TTC21B: variants seen among roughly 807,000 people sequenced by gnomAD.
The protein encoded by TTC21B is tetratricopeptide repeat protein 21B.
Under a neutral mutation model 175.1 loss-of-function variants are expected in TTC21B, and 127 were observed. The ratio of observed to expected loss-of-function variants is 0.73; its 90% CI spans 0.63 to 0.84. The LOEUF (loss-of-function observed/expected upper bound fraction) is 0.84. Ranked by LOEUF, TTC21B falls within the 40% of genes least tolerant of loss-of-function variation. The pLI is 0.00. For synonymous variants in TTC21B, 524 were observed against 524.5 expected (o/e 1.00, Z 0.01); for missense variants, 1,561 against 1,558.3 (o/e 1.00, Z -0.03).
At chr2:165,908,210 C>A (rs1251152736) in intron 18 of TTC21B, among the ~76,000 whole-genome samples, 3 of 152,156 alleles carry the variant, frequency 2.0e-5, no homozygotes, top group Non-Finnish European at 4.4e-5. Flanking sequence ...GTTAAGAGCA[C>A]TGACTTTGAT....
intron 5 of TTC21B, among the ~76,000 whole-genome samples, chr2:165,942,947 A>G (rs530666975): frequency 6.6e-6 from 1 of 152,348 alleles, no homozygotes; most frequent in South Asian, 2.1e-4. Context: ...CATAAGACAC[A>G]TAATAAATGC....
intron 24 of TTC21B, 47 bp downstream of exon 24, chr2:165,890,432 C>T: frequency 6.3e-7 from 1 of 1,583,988 alleles, no homozygotes; most frequent in African/African-American, 1.3e-5. Context: ...TGTTTATTAT[C>T]TCCAACAAGT....
chr2:165,936,660 T>C (rs144573157), intron 6 of TTC21B, among the ~76,000 whole-genome samples: 593 of 152,038 alleles, frequency 3.9e-3, no homozygotes, highest in African/African-American at 0.013. Flanking sequence ...ACAAGCAAGA[T>C]ACACAGACTG....
Position 165,874,626 on chromosome 2 carries a change from C to T in TTC21B, c.*129G>A. 1 of 799,436 alleles carries T rather than the reference C, an allele frequency of 1.3e-6. No individual in the cohort carries two copies. The highest frequency in any genetic ancestry group is 2.1e-6 in the Non-Finnish European group (1 of 471,350). The allele number at this position is 799,436 out of a possible 1,614,324, so 49.5% of individuals were successfully genotyped here. On this transcript the variant is annotated 3_prime_UTR_variant, in exon 29 of 29. Coordinates refer to ENST00000243344, the MANE Select transcript of TTC21B (RefSeq NM_024753.5). ...ACTTCTCTTGATGTACAGCAGCAAC[C>T]TCTGCTGGAGAAAAAAGGGTATACT... is the stretch of plus-strand genomic sequence containing the variant.
rs552060703 is a variant in TTC21B, at chr2:165,875,834, A to G, written c.3873+331T>C. ...TTTGTCTTTTTTTTTTTTTAAAGTA[A>G]AAGTCTCTTTTACTCCACCTCTTTA... On this transcript the variant is annotated intron_variant, in intron 28 of 28. Transcript: ENST00000243344. 1.6e-4 allele frequency among the ~76,000 whole-genome samples: 25 copies of G among 151,636 alleles called. No individual in the cohort carries two copies. In the South Asian group the frequency reaches 4.2e-3, roughly 25 times the overall value.
At chr2:165,926,812 C>T (rs1041266765) in intron 11 of TTC21B, among the ~76,000 whole-genome samples, 3 of 151,562 alleles carry the variant, frequency 2.0e-5, no homozygotes, top group Admixed American at 6.6e-5. Flanking sequence ...ACATCTTTCT[C>T]CCATGCTGGA....
At chr2:165,914,126 A>G (rs1255174855) in intron 15 of TTC21B, among the ~76,000 whole-genome samples, 1 of 152,206 alleles carries the variant, frequency 6.6e-6, no homozygotes, top group East Asian at 1.9e-4. Context: ...TGACCTGAAA[A>G]TGTAGACTAC....
chr2:165,943,487 A>G (rs982585738), intron 4 of TTC21B, 146 bp from the exon 5 acceptor site: 11 of 713,348 alleles, frequency 1.5e-5, no homozygotes, highest in Middle Eastern at 3.8e-4. Context: ...TGTTAGTGAA[A>G]TCACTTTTGA....
Position 165,911,390 on chromosome 2 carries a change from A to G in TTC21B, c.2398T>C (p.Leu800=), listed in dbSNP as rs781367281. The change falls in exon 18 of 29, where the codon TTA becomes CTA. Residue 800 remains leucine, a synonymous_variant. Transcript: ENST00000243344. The stretch of plus-strand genomic sequence containing the variant: ...GCTTTGTCATACCATTTCAATTTTA[A>G]TAAGAGCTCAGCCAGGTCATAGCAA... ...YLCYDLAELL[L]KLKWYDKAEK... 8.1e-6 allele frequency: 13 copies of G among 1,613,832 alleles called. No individual in the cohort carries two copies. In the Admixed American group the frequency reaches 1.0e-4, roughly 12 times the overall value.
chr2:165,917,488 A>C lies in TTC21B; in HGVS notation c.1675-7T>G. The C allele has an allele frequency of 6.3e-7, 1 of 1,589,108 alleles. No individual in the cohort carries two copies. The highest frequency in any genetic ancestry group is 8.6e-7 in the Non-Finnish European group (1 of 1,158,538). The stretch of plus-strand genomic sequence containing the variant: ...ATAAAGGATAGTCTCTCACCTGAAG[A>C]ATAATATTTAATATTTCCTTGGAGT... On this transcript the variant is annotated splice_region_variant and splice_polypyrimidine_tract_variant and intron_variant, in intron 13 of 28. Coordinates refer to ENST00000243344, the MANE Select transcript of TTC21B (RefSeq NM_024753.5).
chr2:165,906,424 T>C (rs1026227744), intron 19 of TTC21B, among the ~76,000 whole-genome samples: 2 of 151,856 alleles, frequency 1.3e-5, no homozygotes, highest in Non-Finnish European at 2.9e-5. Flanking sequence ...GAAGAAAAAA[T>C]TACTAATATC....
intron 25 of TTC21B, among the ~76,000 whole-genome samples, chr2:165,884,546 A>G (rs2105285354): frequency 6.6e-6 from 1 of 152,230 alleles, no homozygotes; most frequent in South Asian, 2.1e-4. Flanking sequence ...CTCCCAATAA[A>G]GTTTGAATAA....
At chr2:165,914,326 G>A (rs1022020200) in intron 15 of TTC21B, among the ~76,000 whole-genome samples, 4 of 151,998 alleles carry the variant, frequency 2.6e-5, no homozygotes, top group African/African-American at 9.7e-5. Context: ...TTACATTATA[G>A]TACATCAAAA....
In TTC21B at chr2:165,917,424, C is replaced by G. The variant is rs377128320; in HGVS notation, c.1732G>C (p.Glu578Gln). The change falls in exon 14 of 29, where the codon GAA becomes CAA. Residue 578 changes from glutamate to glutamine, a missense_variant. Glu to Gln is a conservative substitution (Grantham distance 29). Coordinates refer to ENST00000243344, the MANE Select transcript of TTC21B (RefSeq NM_024753.5). Reference protein sequence around the residue: ...IKAQSQKKMGEIADAIKTLHM... With the variant: ...IKAQSQKKMGQIADAIKTLHM... ...AGTGTTTTAATTGCGTCTGCTATTTCTCCCATTTTCTTTTGTGACTGAGCT... is the reference window on the plus strand; with the variant it reads ...AGTGTTTTAATTGCGTCTGCTATTTGTCCCATTTTCTTTTGTGACTGAGCT... 1.1e-5 allele frequency: 18 copies of G among 1,613,928 alleles called. No individual in the cohort carries two copies. The highest frequency in any genetic ancestry group is 1.4e-5 in the Non-Finnish European group (17 of 1,179,990).
intron 4 of TTC21B, 27 bp downstream of exon 4, chr2:165,945,497 T>C (rs1687520462): frequency 6.3e-7 from 1 of 1,598,484 alleles, no homozygotes; most frequent in Non-Finnish European, 8.6e-7. Flanking sequence ...TTTAATGTTA[T>C]TATTTTAAAC....
intron 25 of TTC21B, among the ~76,000 whole-genome samples, chr2:165,885,387 C>A (rs1574066266): frequency 1.4e-5 from 2 of 146,880 alleles, no homozygotes. Flanking sequence ...ATAAAAACTT[C>A]CTTGCCTCAA....
intron 11 of TTC21B, among the ~76,000 whole-genome samples, chr2:165,927,032 ATATATATATATGTG>A (rs1171223602): frequency 9.0e-6 from 1 of 111,616 alleles, no homozygotes; most frequent in Non-Finnish European, 1.8e-5. Flanking sequence ...TAGTAGTTAT[ATATATATATATGTG>A]TATATATATA....
At chr2:165,936,570 T>C (rs1265366611) in intron 6 of TTC21B, among the ~76,000 whole-genome samples, 3 of 151,958 alleles carry the variant, frequency 2.0e-5, no homozygotes, top group Non-Finnish European at 4.4e-5. Context: ...TTACAAAATA[T>C]ACAGAGAGCT....
intron 3 of TTC21B, among the ~76,000 whole-genome samples, chr2:165,946,504 T>C (rs1054642471): frequency 1.3e-5 from 2 of 152,236 alleles, no homozygotes; most frequent in East Asian, 3.9e-4. Context: ...TTAATTAGAA[T>C]TAAATAAAAT....
Sources: gnomAD v4.1 joint callset for allele counts (sites outside exome capture counted in the v4.1 genomes callset) on GRCh38, gnomAD v4.1.1 for gene constraint, MANE v1.5 for transcripts, NCBI Gene and HGNC (gene_info 2026-07-23, HGNC 2026-07-21) for gene names.